ZNF74: variants seen among roughly 807,000 people sequenced by gnomAD.
ZNF74 encodes the protein zinc finger protein 520.
In ZNF74, 12 loss-of-function variants were observed where a neutral mutation model predicts 17.7. That is an observed-to-expected ratio of 0.68 (90% CI 0.43 to 1.10). The LOEUF is 1.10. Among genes scored for constraint, ZNF74 ranks in the 50% least tolerant of loss-of-function variants. ZNF74 has a pLI of 0.00. For synonymous variants in ZNF74, 358 were observed against 362.1 expected, an observed-to-expected ratio of 0.99 and a Z score of 0.13; for missense variants, 811 against 881.0, an observed-to-expected ratio of 0.92 and a Z score of 1.01.
chr22:20,394,829 C>T, intron 1 of ZNF74, 167 bp downstream of exon 1: 1 of 632,648 alleles, frequency 1.6e-6, no homozygotes, highest in Non-Finnish European at 2.7e-6. Context: ...GGCTTGATCT[C>T]CGCTCACTGC....
chr22:20,399,243 CTT>C (rs1444592364), intron 2 of ZNF74, among the ~76,000 whole-genome samples: 1 of 152,074 alleles, frequency 6.6e-6, no homozygotes, highest in Non-Finnish European at 1.5e-5. Context: ...TTTTGAAGCT[CTT>C]TTAGTAGATA....
In ZNF74 at chr22:20,401,361, G is replaced by A. The variant is rs775698771; in HGVS notation, c.332G>A (p.Gly111Glu). 1.9e-6 allele frequency: 3 copies of A among 1,606,014 alleles called. No individual in the cohort carries two copies. The highest frequency in any genetic ancestry group is 3.4e-5 in the Admixed American group (2 of 59,262). ...PWSMQREVPR[G>E]PCPEWELKAV... ...AGCATGCAGAGGGAAGTCCCCAGAG[G>A]GCCCTGTCCAGGTGAGCAGAGGCAC... Residue 111 changes from glycine (G) to glutamate (E), a missense_variant, in exon 4 of 5, where the codon GGG becomes GAG. Around this residue, in one of 3 missense-constraint regions of ZNF74, gnomAD observed 666 missense variants for 702.3 expected, o/e 0.95. Transcript: ENST00000400451. This position sits in a 1 kb window ranked among gnomAD's most constrained non-coding sequence, Gnocchi z 4.2.
intron 4 of ZNF74, among the ~76,000 whole-genome samples, chr22:20,404,354 G>A (rs1188344030): frequency 6.6e-6 from 1 of 152,120 alleles, no homozygotes; most frequent in Admixed American, 6.5e-5. Context: ...TTTTGAGACA[G>A]GGTATCCCTC....
chr22:20,397,768 G>A (rs545749977), intron 2 of ZNF74, among the ~76,000 whole-genome samples: 7 of 152,276 alleles, frequency 4.6e-5, no homozygotes, highest in South Asian at 2.1e-4. Flanking sequence ...TACAAAGTAT[G>A]GCAGGAGGGC....
At chr22:20,403,543 G>A (rs2146098632) in intron 4 of ZNF74, among the ~76,000 whole-genome samples, 1 of 151,984 alleles carries the variant, frequency 6.6e-6, no homozygotes, top group Admixed American at 6.5e-5. Flanking sequence ...TATTCAGATG[G>A]CCTCCCTAAC....
chr22:20,405,765 G>C lies in ZNF74; in HGVS notation c.732G>C (p.Gly244=), dbSNP rs1165591765. The change falls in exon 5 of 5, where the codon GGG becomes GGC. Residue 244 remains glycine, a synonymous_variant. Transcript: ENST00000400451. ...QVRRQRGAGA[G]EGEFVCGECG... is the part of the protein sequence containing the mutation. ...GCCGGCAGCGCGGGGCGGGCGCCGG[G>C]GAGGGCGAGTTCGTGTGCGGCGAGT... 2 of 1,608,010 alleles carry C rather than the reference G, an allele frequency of 1.2e-6. No individual in the cohort carries two copies. The highest frequency in any genetic ancestry group is 1.7e-6 in the Non-Finnish European group (2 of 1,177,704).
Position 20,407,095 on chromosome 22 carries a change from A to G in ZNF74, c.*127A>G. On this transcript the variant is annotated 3_prime_UTR_variant, in exon 5 of 5. Transcript: ENST00000400451. ...GTGGGAGCCTTGCCTTATCACCCCC[A>G]TCAGGTCTGCATGCCAGGGTGCCTC... 7.1e-7 allele frequency: 1 copy of G among 1,402,744 alleles called. No individual in the cohort carries two copies. Among genetic ancestry groups the G allele is most frequent in the South Asian group, 1.5e-5 (1 of 66,570 alleles). 86.9% of individuals were successfully genotyped at this position (1,402,744 alleles called of 1,614,324 possible).
In ZNF74 at chr22:20,407,785, T is replaced by G. The variant is rs903615523; in HGVS notation, c.*817T>G. 2.0e-5 allele frequency: 3 copies of G among 152,226 alleles called. No individual in the cohort carries two copies. Among genetic ancestry groups the G allele is most frequent in the Non-Finnish European group, 4.4e-5 (3 of 68,048 alleles). 9.4% of individuals were successfully genotyped at this position (152,226 alleles called of 1,614,324 possible). ...CCTGGACTTAACTCATGTAAATAGCTCTACTGCAGAGCTGTGTGTTTAGTG... is the reference window on the plus strand; with the variant it reads ...CCTGGACTTAACTCATGTAAATAGCGCTACTGCAGAGCTGTGTGTTTAGTG... On this transcript the variant is annotated 3_prime_UTR_variant, in exon 5 of 5. Coordinates refer to ENST00000400451, the MANE Select transcript of ZNF74 (RefSeq NM_003426.4).
intron 2 of ZNF74, among the ~76,000 whole-genome samples, chr22:20,396,068 G>T (rs777065733): frequency 6.6e-6 from 1 of 151,840 alleles, no homozygotes; most frequent in African/African-American, 2.4e-5. Flanking sequence ...TTTTTCTACC[G>T]CAACCACCTC....
chr22:20,395,338 T>C lies in ZNF74; in HGVS notation c.40T>C (p.Ser14Pro). The C allele has an allele frequency of 6.3e-7, 1 of 1,597,622 alleles. No homozygotes were observed. Among genetic ancestry groups the C allele is most frequent in the Non-Finnish European group, 8.6e-7 (1 of 1,167,210 alleles). ...PAPEPEKTAL[S>P]SQDPALSLKE... is the part of the protein sequence containing the mutation. The stretch of plus-strand genomic sequence containing the variant: ...ACTCATTTCTCCTTCGCCAGCTCTT[T>C]CCTCTCAGGATCCTGCTCTTTCCCT... Residue 14 changes from serine (S) to proline (P), a missense_variant, in exon 2 of 5, where the codon TCC becomes CCC. Around this residue, in one of 3 missense-constraint regions of ZNF74, gnomAD observed 666 missense variants for 702.3 expected, o/e 0.95. Coordinates refer to ENST00000400451, the MANE Select transcript of ZNF74 (RefSeq NM_003426.4).
In ZNF74 at chr22:20,394,710, G is replaced by A. The variant is rs774456679; in HGVS notation, c.34+48G>A. On this transcript the variant is annotated intron_variant, in intron 1 of 4. Coordinates refer to ENST00000400451, the MANE Select transcript of ZNF74 (RefSeq NM_003426.4). The stretch of plus-strand genomic sequence containing the variant: ...AGTATGTCTGTGGATTTGCACTTGA[G>A]GATATTGACACTCAGAGAGATCAGG... 6 of 1,591,384 alleles carry A rather than the reference G, an allele frequency of 3.8e-6. No individual in the cohort carries two copies. In the South Asian group the frequency reaches 5.5e-5, roughly 15 times the overall value.
rs944649501 is a variant in ZNF74 at position 20,406,326 on chromosome 22, C to T, written c.1293C>T (p.Leu431=). 6.2e-7 allele frequency: 1 copy of T among 1,612,552 alleles called. No homozygotes were observed. Among genetic ancestry groups the T allele is most frequent in the Admixed American group, 1.7e-5 (1 of 60,010 alleles). ...CEKAFNSRSR[L]TLHQRTHTGE... The stretch of plus-strand genomic sequence containing the variant: ...AGGCCTTCAACAGCCGCTCGCGCCT[C>T]ACCCTCCACCAGAGGACGCACACGG... The change falls in exon 5 of 5, where the codon CTC becomes CTT. Residue 431 remains leucine (L), a synonymous_variant. Coordinates refer to ENST00000400451, the MANE Select transcript of ZNF74 (RefSeq NM_003426.4).
In ZNF74 at chr22:20,401,063, T is replaced by A; in HGVS notation, c.248-214T>A. ...TGGCTCTGGAACAGTCCTCAAGCAATGAAGTAAGGACGTCAGCACACGTGG... is the reference window on the plus strand; with the variant it reads ...TGGCTCTGGAACAGTCCTCAAGCAAAGAAGTAAGGACGTCAGCACACGTGG... On this transcript the variant is annotated intron_variant, in intron 3 of 4. Coordinates refer to ENST00000400451, the MANE Select transcript of ZNF74 (RefSeq NM_003426.4). The surrounding 1 kb of genome is among the most constrained non-coding windows in gnomAD (Gnocchi z 4.2). The A allele has an allele frequency of 1.7e-6, 1 of 593,662 alleles. No homozygotes were observed. 36.8% of individuals were successfully genotyped at this position (593,662 alleles called of 1,614,324 possible). A position where few individuals can be genotyped will look rare whatever the true frequency, so the allele number is the denominator to read the frequency against.
In ZNF74 at chr22:20,405,750, CG is replaced by C. The variant is rs2052411238; in HGVS notation, c.721del (p.Ala241ArgfsTer370). 2 of 1,604,996 alleles carry C rather than the reference CG, an allele frequency of 1.2e-6. No homozygotes were observed. The highest frequency in any genetic ancestry group is 1.7e-6 in the Non-Finnish European group (2 of 1,176,354). On this transcript the variant is annotated frameshift_variant, in exon 5 of 5. Coordinates refer to ENST00000400451, the MANE Select transcript of ZNF74 (RefSeq NM_003426.4). LOFTEE classifies it low-confidence loss of function (END_TRUNC). ...EKFPQVRRQRGAGAGEGEFVC... is the reference protein window; with the variant it reads ...EKFPQVRRQRXAGAGEGEFVC... ...AGTTCCCCCAGGTGCGCCGGCAGCG[CG>C]GGGCGGGCGCCGGGGAGGGCGAGTT...
chr22:20,398,942 T>C (rs1197110050), intron 2 of ZNF74, among the ~76,000 whole-genome samples: 1 of 152,186 alleles, frequency 6.6e-6, no homozygotes, highest in Non-Finnish European at 1.5e-5. Context: ...TATTTCAGAA[T>C]GTGTTGTTTC....
Position 20,405,422 on chromosome 22 carries a change from A to G in ZNF74, c.389A>G (p.Lys130Arg), listed in dbSNP as rs1384802013. Residue 130 changes from lysine to arginine, a missense_variant, in exon 5 of 5, where the codon AAA becomes AGA. Lys to Arg is a conservative substitution (Grantham distance 26). This residue lies in a region of ZNF74 where 666 missense variants were observed against 702.3 expected (regional missense o/e 0.95). Transcript: ENST00000400451. Reference protein sequence around the residue: ...AVPSQQQGICKEEPAQEPIME... With the variant: ...AVPSQQQGICREEPAQEPIME... ...CCCTCTCAACAGCAGGGCATTTGCA[A>G]AGAAGAACCGGCCCAGGAGCCCATC... 28 of 1,613,114 alleles carry G rather than the reference A, an allele frequency of 1.7e-5. No individual in the cohort carries two copies. The highest frequency in any genetic ancestry group is 2.4e-5 in the Non-Finnish European group (28 of 1,179,850).
At position 20,394,187 on chromosome 22, in the gene ZNF74, T is replaced by C; in HGVS notation, c.-442T>C. The C allele has an allele frequency of 1.5e-6, 1 of 646,322 alleles. No homozygotes were observed. The highest frequency in any genetic ancestry group is 2.8e-6 in the Non-Finnish European group (1 of 353,472). The allele number at this position is 646,322 out of a possible 1,614,324, so 40.0% of individuals were successfully genotyped here. On this transcript the variant is annotated 5_prime_UTR_variant, in exon 1 of 5. Transcript: ENST00000400451. Reference sequence around the variant, plus strand: ...CTGCTGCTCTTTGTGGCAGTCGCAGTCCTTTTGTGGGAGTCCGGTCTGTCC... The same window carrying C: ...CTGCTGCTCTTTGTGGCAGTCGCAGCCCTTTTGTGGGAGTCCGGTCTGTCC...
At chr22:20,398,126 C>G (rs966972544) in intron 2 of ZNF74, among the ~76,000 whole-genome samples, 1 of 151,944 alleles carries the variant, frequency 6.6e-6, no homozygotes, top group East Asian at 1.9e-4. Context: ...CAAGACCAGC[C>G]GGCCAACATG....
intron 2 of ZNF74, among the ~76,000 whole-genome samples, chr22:20,396,673 T>C (rs1036334165): frequency 6.6e-5 from 10 of 152,178 alleles, no homozygotes; most frequent in South Asian, 2.1e-4. Flanking sequence ...AAATATTAGC[T>C]TGTTAGATCT....
Sources: allele counts gnomAD v4.1 joint callset (sites outside exome capture counted in the v4.1 genomes callset), GRCh38; gene constraint gnomAD v4.1.1; regional missense constraint gnomAD v4.1.1; non-coding constraint Gnocchi (gnomAD v3.1); transcripts MANE v1.5; gene names NCBI Gene and HGNC (gene_info 2026-07-23, HGNC 2026-07-21).